Variants in CRACD observed in about 807,000 individuals in gnomAD.
CRACD encodes capping protein inhibiting regulator of actin dynamics, also known as capping protein-inhibiting regulator of actin dynamics.
A neutral mutation model predicts 106.8 loss-of-function variants in CRACD; 56 were observed. That is an observed-to-expected ratio of 0.52 (90% CI 0.42 to 0.66). The LOEUF is 0.66. CRACD is among the 30% of genes least tolerant of loss of function. CRACD has a pLI of 0.00. For synonymous variants in CRACD, 754 were observed against 670.8 expected (o/e 1.12, Z -1.92); for missense variants, 1,730 against 1,623.2 (o/e 1.07, Z -1.13).
At chr4:56,215,576 G>T (rs1417150023) in intron 2 of CRACD, among the ~76,000 whole-genome samples, 2 of 152,154 alleles carry the variant, frequency 1.3e-5, no homozygotes, top group Admixed American at 6.5e-5. Flanking sequence ...TGGACTATGA[G>T]CTCTTGAGAA....
At chr4:56,213,558 A>G (rs548378313) in intron 2 of CRACD, among the ~76,000 whole-genome samples, 1 of 152,340 alleles carries the variant, frequency 6.6e-6, no homozygotes, top group Non-Finnish European at 1.5e-5. Context: ...AGGCCAGAGT[A>G]CATTCAGAGA....
chr4:56,265,808 C>A (rs935972555), intron 2 of CRACD, among the ~76,000 whole-genome samples: 5 of 152,252 alleles, frequency 3.3e-5, no homozygotes, highest in South Asian at 2.1e-4. Context: ...ACTATCATAG[C>A]ACATTTCTGT....
At chr4:56,059,561 T>G (rs1178160737) in intron 1 of CRACD, among the ~76,000 whole-genome samples, 4 of 152,216 alleles carry the variant, frequency 2.6e-5, no homozygotes, top group Middle Eastern at 3.2e-3. Flanking sequence ...TCAACCAACC[T>G]GTACTGAACA....
At chr4:56,284,834 A>C (rs1159121562) in intron 3 of CRACD, among the ~76,000 whole-genome samples, 1 of 152,252 alleles carries the variant, frequency 6.6e-6, no homozygotes, top group Non-Finnish European at 1.5e-5. Flanking sequence ...CCGTAAGGTC[A>C]AACAGCATGA....
At chr4:56,295,372 A>G (rs1382679512) in intron 3 of CRACD, among the ~76,000 whole-genome samples, 1 of 152,020 alleles carries the variant, frequency 6.6e-6, no homozygotes, top group Non-Finnish European at 1.5e-5. Flanking sequence ...TACCACTGTG[A>G]CCACCACTAT....
intron 2 of CRACD, among the ~76,000 whole-genome samples, chr4:56,265,937 A>C (rs1215802667): frequency 6.6e-6 from 1 of 152,230 alleles, no homozygotes; most frequent in Non-Finnish European, 1.5e-5. Context: ...AAAATGAATC[A>C]GATTTGCTTG....
intron 1 of CRACD, among the ~76,000 whole-genome samples, chr4:56,081,626 G>T (rs1191088748): frequency 6.6e-6 from 1 of 152,126 alleles, no homozygotes; most frequent in African/African-American, 2.4e-5. Context: ...TGTTTATTGA[G>T]AACTTATTAA....
chr4:56,296,919 TG>T lies in CRACD; in HGVS notation c.-16-1294del, dbSNP rs1331844868. ...CTTTGTGCATTTCTTTTTTTTTGTTTGTTTTTTTTTTTTTTTGAGACTGAGT... is the reference window on the plus strand; with the variant it reads ...CTTTGTGCATTTCTTTTTTTTTGTTTTTTTTTTTTTTTTTTGAGACTGAGT... On this transcript the variant is annotated intron_variant, in intron 3 of 10. Coordinates refer to ENST00000682029, the MANE Select transcript of CRACD (RefSeq NM_001393381.1). Among the ~76,000 whole-genome samples the T allele has an allele frequency of 1.6e-3, 197 of 123,642 alleles. 1 individual carries two copies. Among genetic ancestry groups the T allele is most frequent in the African/African-American group, 5.4e-3 (175 of 32,632 alleles). The allele number at this position is 123,642 out of a possible 152,430, so 81.1% of individuals were successfully genotyped here. A position where few individuals can be genotyped will look rare whatever the true frequency, so the allele number is the denominator to read the frequency against.
chr4:56,197,929 G>A (rs1254333001), intron 2 of CRACD, among the ~76,000 whole-genome samples: 4 of 152,052 alleles, frequency 2.6e-5, no homozygotes, highest in South Asian at 2.1e-4. Flanking sequence ...CGCCCGCCTC[G>A]GCCTCCCAAA....
At chr4:56,214,725 T>C (rs1040451645) in intron 2 of CRACD, among the ~76,000 whole-genome samples, 4 of 121,650 alleles carry the variant, frequency 3.3e-5, no homozygotes, top group African/African-American at 1.2e-4. Flanking sequence ...TAAGAGACAG[T>C]GTACTGGCCA....
Position 56,240,312 on chromosome 4 carries a change from C to G in CRACD, c.-188-32009C>G, listed in dbSNP as rs1220863350. 3.3e-5 allele frequency among the ~76,000 whole-genome samples: 5 copies of G among 151,986 alleles called. No homozygotes were observed. The East Asian group carries it at 9.7e-4, about 29-fold the overall frequency. On this transcript the variant is annotated intron_variant, in intron 2 of 10. Transcript: ENST00000682029. ...AGGTTAGGTAGGGGGATTCCTAACA[C>G]AGACTGGGGAGGGGGAGTAGGGTAC... is the stretch of plus-strand genomic sequence containing the variant.
chr4:56,235,918 C>T (rs1454289121), intron 2 of CRACD, among the ~76,000 whole-genome samples: 2 of 152,142 alleles, frequency 1.3e-5, no homozygotes, highest in African/African-American at 4.8e-5. Context: ...ACATGTTTAC[C>T]TACTGTGGGT....
intron 2 of CRACD, among the ~76,000 whole-genome samples, chr4:56,188,705 C>G (rs1256672865): frequency 4.4e-5 from 6 of 136,198 alleles, no homozygotes; most frequent in Admixed American, 1.5e-4. Context: ...CACACACACA[C>G]ACACACAGAG....
At chr4:56,256,247 A>C (rs1268901003) in intron 2 of CRACD, among the ~76,000 whole-genome samples, 1 of 152,184 alleles carries the variant, frequency 6.6e-6, no homozygotes, top group Non-Finnish European at 1.5e-5. Context: ...ATAGTAAATA[A>C]GTCTCAAGAG....
chr4:56,285,390 T>G (rs6846239), intron 3 of CRACD, among the ~76,000 whole-genome samples: 130,368 of 152,094 alleles, frequency 0.86, 56,864 homozygotes, highest in Non-Finnish European at 0.94. Flanking sequence ...TTGAGGAACT[T>G]ACAGGTCAGG....
rs755149987 is a variant in CRACD at position 56,314,431 on chromosome 4, A to C, written c.929A>C (p.Glu310Ala). 38 of 1,540,746 alleles carry C rather than the reference A, an allele frequency of 2.5e-5. 1 individual carries two copies. Among genetic ancestry groups the C allele is most frequent in the South Asian group, 2.2e-4 (18 of 83,476 alleles). The change falls in exon 8 of 11, where the codon GAG becomes GCG. Residue 310 changes from glutamate to alanine, a missense_variant. Glu to Ala is a moderately radical substitution (Grantham distance 107). Coordinates refer to ENST00000682029, the MANE Select transcript of CRACD (RefSeq NM_001393381.1). This position sits in a 1 kb window ranked among gnomAD's most constrained non-coding sequence, Gnocchi z 4.4. ...WEDAERRERE[E>A]RERLEAEEER... ...GACGCGGAGCGGAGGGAGCGTGAGG[A>C]GCGCGAGCGCCTGGAGGCGGAGGAG...
At chr4:56,259,988 A>G (rs957118429) in intron 2 of CRACD, among the ~76,000 whole-genome samples, 2 of 152,144 alleles carry the variant, frequency 1.3e-5, no homozygotes, top group African/African-American at 4.8e-5. Flanking sequence ...TCAGAGATGC[A>G]GGTTTCAGTC....
In CRACD at chr4:56,329,905, C is replaced by T. The variant is rs1184978129; in HGVS notation, c.*2101C>T. On this transcript the variant is annotated 3_prime_UTR_variant, in exon 11 of 11. Coordinates refer to ENST00000682029, the MANE Select transcript of CRACD (RefSeq NM_001393381.1). ...TGTATTGGCTGGGATATCACTGTGCCCAAACAAAACAGGCGAAATACCTCA... is the reference window on the plus strand; with the variant it reads ...TGTATTGGCTGGGATATCACTGTGCTCAAACAAAACAGGCGAAATACCTCA... Among the ~76,000 whole-genome samples, 1 of 151,996 alleles carries T rather than the reference C, an allele frequency of 6.6e-6. No individual in the cohort carries two copies. The highest frequency in any genetic ancestry group is 2.4e-5 in the African/African-American group (1 of 41,376).
At chr4:56,279,039 T>C (rs1742845684) in intron 3 of CRACD, among the ~76,000 whole-genome samples, 1 of 152,046 alleles carries the variant, frequency 6.6e-6, no homozygotes, top group Non-Finnish European at 1.5e-5. Flanking sequence ...CACACATTGC[T>C]GGTGGGAATA....
Sources: allele counts gnomAD v4.1 joint callset (sites outside exome capture counted in the v4.1 genomes callset), GRCh38; gene constraint gnomAD v4.1.1; non-coding constraint Gnocchi (gnomAD v3.1); transcripts MANE v1.5; gene names NCBI Gene and HGNC (gene_info 2026-07-23, HGNC 2026-07-21).